The following ASXL2 variants were observed in gnomAD, a reference collection of about 807,000 sequenced individuals.
The protein encoded by ASXL2 is putative Polycomb group protein ASXL2.
Under a neutral mutation model 122.0 loss-of-function variants are expected in ASXL2, and 23 were observed. That is an observed-to-expected ratio of 0.19 (90% CI 0.14 to 0.27). The LOEUF is 0.27. ASXL2 is among the 10% of genes least tolerant of loss of function. The probability of loss-of-function intolerance (pLI) is 1.00; values close to 1 mark genes in which losing one functional copy is unlikely to be tolerated. For missense variants in ASXL2, 1,518 were observed against 1,713.8 expected (o/e 0.89, Z 2.02); for synonymous variants, 650 against 637.0 (o/e 1.02, Z -0.31).
Position 25,739,536 on chromosome 2 carries a change from T to C in ASXL2, c.*2493A>G. The C allele has an allele frequency of 5.2e-6, 1 of 191,962 alleles. No individual in the cohort carries two copies. Among genetic ancestry groups the C allele is most frequent in the Non-Finnish European group, 1.1e-5 (1 of 91,656 alleles). The allele number at this position is 191,962 out of a possible 1,614,324, so 11.9% of individuals were successfully genotyped here. ...GTCAAGATTGAGGCAGTGTATCTAG[T>C]TGGCAATATCTGTTTTAGGAGTATT... On this transcript the variant is annotated 3_prime_UTR_variant, in exon 13 of 13. Transcript: ENST00000435504.
At chr2:25,820,813 G>A (rs1434423350) in intron 3 of ASXL2, among the ~76,000 whole-genome samples, 18 of 152,162 alleles carry the variant, frequency 1.2e-4, no homozygotes, top group African/African-American at 3.9e-4. Flanking sequence ...GCTTGAGCCC[G>A]GAAATTTGAG....
At chr2:25,856,562 C>G in intron 1 of ASXL2, 1 of 1,149,014 alleles carries the variant, frequency 8.7e-7, no homozygotes, top group Non-Finnish European at 1.3e-6. Context: ...TCGCCAGACG[C>G]TCCAAGGGGT....
chr2:25,832,312 G>A (rs541146864), intron 3 of ASXL2, among the ~76,000 whole-genome samples: 6 of 152,250 alleles, frequency 3.9e-5, no homozygotes, highest in Admixed American at 2.0e-4. Context: ...GATAAATCAC[G>A]TGTATATATT....
At chr2:25,753,784 G>A in intron 10 of ASXL2, 145 bp from the exon 11 acceptor site, 1 of 649,694 alleles carries the variant, frequency 1.5e-6, no homozygotes, top group African/African-American at 1.8e-5. Flanking sequence ...TCACTGTAAA[G>A]GAGGACCTAA....
In ASXL2 at chr2:25,860,299, G is replaced by A. The variant is rs566363930; in HGVS notation, c.58-14736C>T. ...GCACTCCAGCCTGGGCAACAAGAGC[G>A]AAACTCCGCCTCAAAAATAAAAAAA... is the stretch of plus-strand genomic sequence containing the variant. On this transcript the variant is annotated intron_variant, in intron 1 of 12. Coordinates refer to ENST00000435504, the MANE Select transcript of ASXL2 (RefSeq NM_018263.6). 5.4e-5 allele frequency among the ~76,000 whole-genome samples: 8 copies of A among 149,494 alleles called. No individual in the cohort carries two copies. In the South Asian group the frequency reaches 6.4e-4, roughly 12 times the overall value.
chr2:25,771,544 G>GC lies in ASXL2; in HGVS notation c.404-5_404-4insG. On this transcript the variant is annotated splice_region_variant and splice_polypyrimidine_tract_variant and intron_variant, in intron 5 of 12. Coordinates refer to ENST00000435504, the MANE Select transcript of ASXL2 (RefSeq NM_018263.6). ...GACTGCGGGGAGGACGACGATACTA[G>GC]GGAAAAAAAAGTGACAATAAAAGAT... is the stretch of plus-strand genomic sequence containing the variant. The GC allele has an allele frequency of 6.5e-7, 1 of 1,538,574 alleles. No homozygotes were observed. Among genetic ancestry groups the GC allele is most frequent in the Non-Finnish European group, 8.8e-7 (1 of 1,142,716 alleles).
intron 1 of ASXL2, among the ~76,000 whole-genome samples, chr2:25,860,307 G>A (rs1050109833): frequency 6.0e-5 from 9 of 149,470 alleles, no homozygotes; most frequent in African/African-American, 1.7e-4. Context: ...GCGAAACTCC[G>A]CCTCAAAAAT....
rs2149136427 is a variant in ASXL2, at chr2:25,743,109, C to A, written c.3228G>T (p.Arg1076Ser). 6.2e-7 allele frequency: 1 copy of A among 1,613,988 alleles called. No individual in the cohort carries two copies. Among genetic ancestry groups the A allele is most frequent in the Non-Finnish European group, 8.5e-7 (1 of 1,179,890 alleles). ...ILQTLIQRVR[R>S]QNLLSVVPPS... Reference sequence around the variant, plus strand: ...GCGGCACAACTGAGAGAAGATTCTGCCTCCGAACCCTCTGAATGAGAGTCT... The same window carrying A: ...GCGGCACAACTGAGAGAAGATTCTGACTCCGAACCCTCTGAATGAGAGTCT... The change falls in exon 13 of 13, where the codon AGG becomes AGT. Residue 1076 changes from arginine (R) to serine (S), a missense_variant. Around this residue, in one of 8 missense-constraint regions of ASXL2, gnomAD observed 831 missense variants for 833.1 expected, o/e 1.00. Coordinates refer to ENST00000435504, the MANE Select transcript of ASXL2 (RefSeq NM_018263.6).
intron 11 of ASXL2, 40 bp from the exon 12 acceptor site, chr2:25,750,453 G>A (rs760271146): frequency 6.6e-7 from 1 of 1,512,534 alleles, no homozygotes; most frequent in South Asian, 1.3e-5. Context: ...TTGAAAAATA[G>A]CCCATGTTGC....
At chr2:25,811,531 A>G (rs2089170768) in intron 3 of ASXL2, among the ~76,000 whole-genome samples, 2 of 152,030 alleles carry the variant, frequency 1.3e-5, no homozygotes, top group Non-Finnish European at 2.9e-5. Context: ...AAAAAAATGG[A>G]AAAAAGGACG....
At position 25,856,046 on chromosome 2, in the gene ASXL2, A is replaced by T. The variant is rs2089773304; in HGVS notation, c.58-10483T>A. ...GTAGCTGGGATTACAGGCATGCACC[A>T]CCATACCTAATTTTTGTTTTTTGTT... is the stretch of plus-strand genomic sequence containing the variant. On this transcript the variant is annotated intron_variant, in intron 1 of 12. Coordinates refer to ENST00000435504, the MANE Select transcript of ASXL2 (RefSeq NM_018263.6). 2.0e-5 allele frequency among the ~76,000 whole-genome samples: 3 copies of T among 151,418 alleles called. No homozygotes were observed. In the South Asian group the frequency reaches 6.3e-4, roughly 32 times the overall value.
intron 3 of ASXL2, among the ~76,000 whole-genome samples, chr2:25,828,713 T>A (rs1289044538): frequency 6.8e-6 from 1 of 147,896 alleles, no homozygotes; most frequent in Admixed American, 6.9e-5. Context: ...TAATCCCAGC[T>A]ACTGGGGAGG....
In ASXL2 at chr2:25,742,083, A is replaced by G. The variant is rs375594175; in HGVS notation, c.4254T>C (p.His1418=). 73 of 1,613,902 alleles carry G rather than the reference A, an allele frequency of 4.5e-5. No homozygotes were observed. Among genetic ancestry groups the G allele is most frequent in the Non-Finnish European group, 5.8e-5 (68 of 1,179,902 alleles). The part of the protein sequence containing the change: ...IMCKGCGAFC[H]DDCIGPSKLC... The stretch of plus-strand genomic sequence containing the variant: ...GTTTGGAGGGGCCGATGCAATCATC[A>G]TGGCAGAAAGCGCCACAGCCTTTGC... Residue 1418 remains histidine, a synonymous_variant, in exon 13 of 13, where the codon CAT becomes CAC. Transcript: ENST00000435504.
chr2:25,773,860 G>C (rs929243780), intron 5 of ASXL2, among the ~76,000 whole-genome samples: 18 of 149,972 alleles, frequency 1.2e-4, no homozygotes, highest in Non-Finnish European at 2.5e-4. Flanking sequence ...GTGAAACCCC[G>C]CCTCTACTAA....
At chr2:25,811,130 G>A (rs1466658778) in intron 3 of ASXL2, among the ~76,000 whole-genome samples, 1 of 148,226 alleles carries the variant, frequency 6.7e-6, no homozygotes, top group Non-Finnish European at 1.5e-5. Context: ...GCACACGCCT[G>A]TAGTACCAGC....
chr2:25,754,643 C>T (rs2088102685), intron 10 of ASXL2, among the ~76,000 whole-genome samples: 1 of 151,564 alleles, frequency 6.6e-6, no homozygotes, highest in African/African-American at 2.4e-5. Flanking sequence ...AATATGATCA[C>T]ATGACTATAG....
intron 5 of ASXL2, among the ~76,000 whole-genome samples, chr2:25,795,521 AAC>A (rs1442091626): frequency 1.3e-5 from 2 of 152,212 alleles, no homozygotes; most frequent in African/African-American, 4.8e-5. Flanking sequence ...AAGCAAAAGA[AAC>A]ACAGATACAA....
At chr2:25,852,631 G>A (rs12989452) in intron 1 of ASXL2, among the ~76,000 whole-genome samples, 57,949 of 152,098 alleles carry the variant, frequency 0.38, 12,930 homozygotes, top group Non-Finnish European at 0.51. Context: ...AGTGAGAAGA[G>A]ATGAGGGCTT....
chr2:25,786,331 C>T (rs2088745887), intron 5 of ASXL2, among the ~76,000 whole-genome samples: 2 of 145,590 alleles, frequency 1.4e-5, no homozygotes, highest in Non-Finnish European at 3.0e-5. Flanking sequence ...ACCTCCGCCT[C>T]CCAGGTTCAA....
Sources: allele counts gnomAD v4.1 joint callset (sites outside exome capture counted in the v4.1 genomes callset), GRCh38; gene constraint gnomAD v4.1.1; regional missense constraint gnomAD v4.1.1; transcripts MANE v1.5; gene names NCBI Gene and HGNC (gene_info 2026-07-23, HGNC 2026-07-21).